The following LRRC49 variants were observed in gnomAD, a reference collection of about 807,000 sequenced individuals.
LRRC49 encodes leucine rich repeat containing 49.
LRRC49 carries 50 observed loss-of-function variants against 83.3 expected under a neutral mutation model. That is an observed-to-expected ratio of 0.60 (90% CI 0.48 to 0.76). LRRC49 has a LOEUF of 0.76. Among genes scored for constraint, LRRC49 ranks in the 30% least tolerant of loss-of-function variants. The pLI is 0.00. For synonymous variants in LRRC49, 286 were observed against 283.3 expected, an observed-to-expected ratio of 1.01 and a Z score of -0.10; for missense variants, 704 against 809.1, an observed-to-expected ratio of 0.87 and a Z score of 1.58.
chr15:71,024,001 G>A (rs994034795), intron 14 of LRRC49, among the ~76,000 whole-genome samples: 3 of 152,192 alleles, frequency 2.0e-5, no homozygotes, highest in African/African-American at 7.2e-5. Flanking sequence ...AGCTCCCAGA[G>A]ACAGGAATGG....
At chr15:70,854,138 C>G in intron 1 of LRRC49, 3 of 1,199,862 alleles carry the variant, frequency 2.5e-6, no homozygotes, top group Middle Eastern at 3.2e-4. Context: ...CAAGGCCCAG[C>G]CAGCCGGTCG....
chr15:71,016,136 A>T (rs1248685459), intron 14 of LRRC49, among the ~76,000 whole-genome samples: 7 of 152,198 alleles, frequency 4.6e-5, no homozygotes, highest in Non-Finnish European at 8.8e-5. Context: ...AGACACTAGG[A>T]TTCCAAAGTA....
At chr15:71,038,898 A>T (rs1224976068) in intron 15 of LRRC49, among the ~76,000 whole-genome samples, 1 of 152,166 alleles carries the variant, frequency 6.6e-6, no homozygotes, top group African/African-American at 2.4e-5. Flanking sequence ...CATACACAAC[A>T]CACTGTGTAA....
At chr15:71,045,963 C>T (rs2039842629) in intron 15 of LRRC49, among the ~76,000 whole-genome samples, 1 of 152,162 alleles carries the variant, frequency 6.6e-6, no homozygotes, top group Admixed American at 6.5e-5. Flanking sequence ...TCTGTTTCTG[C>T]ATTAATTTGC....
intron 2 of LRRC49, among the ~76,000 whole-genome samples, chr15:70,880,095 G>C (rs2033232144): frequency 6.6e-6 from 1 of 152,070 alleles, no homozygotes; most frequent in Non-Finnish European, 1.5e-5. Context: ...AGACACACCA[G>C]AGAAACTGCT....
At chr15:70,864,690 G>A (rs2032873147) in intron 1 of LRRC49, among the ~76,000 whole-genome samples, 1 of 152,144 alleles carries the variant, frequency 6.6e-6, no homozygotes, top group Admixed American at 6.5e-5. Context: ...TCACTCAGGG[G>A]AACTTTTCTG....
rs2037258639 is a variant in LRRC49, at chr15:70,977,758, G to A, written c.922-2343G>A. On this transcript the variant is annotated intron_variant, in intron 9 of 15. Coordinates refer to ENST00000260382, the MANE Select transcript of LRRC49 (RefSeq NM_017691.5). ...TTCCTTTAAAACAACTAAATCATAT[G>A]GCAGATCACTTCTGAGTTCTAAACT... 3.3e-5 allele frequency among the ~76,000 whole-genome samples: 5 copies of A among 151,766 alleles called. No individual in the cohort carries two copies. In the South Asian group the frequency reaches 1.0e-3, roughly 31 times the overall value.
intron 15 of LRRC49, among the ~76,000 whole-genome samples, chr15:71,047,093 TTATAG>T (rs1442642125): frequency 6.6e-6 from 1 of 152,216 alleles, no homozygotes; most frequent in Non-Finnish European, 1.5e-5. Flanking sequence ...TACTGTGGCT[TTATAG>T]TATAGTTTGA....
chr15:70,913,196 A>G lies in LRRC49; in HGVS notation c.567+1598A>G, dbSNP rs114117474. Among the ~76,000 whole-genome samples the G allele has an allele frequency of 1.8e-3, 278 of 152,366 alleles. 2 individuals carry two copies. Among genetic ancestry groups the G allele is most frequent in the African/African-American group, 6.6e-3 (274 of 41,588 alleles). ...GGGAATCCCTGCCTGTTGATGAACA[A>G]GATCTTTCACAGCTGCTTACAGTTG... On this transcript the variant is annotated intron_variant, in intron 6 of 15. Coordinates refer to ENST00000260382, the MANE Select transcript of LRRC49 (RefSeq NM_017691.5).
upstream of LRRC49, among the ~76,000 whole-genome samples, chr15:70,890,979 A>C (rs1002078829): frequency 3.9e-5 from 6 of 152,194 alleles, no homozygotes; most frequent in Admixed American, 2.6e-4. Context: ...ATGCCATTAA[A>C]GGGTCTTAAA....
chr15:70,952,345 C>A (rs1000034631), intron 8 of LRRC49, among the ~76,000 whole-genome samples: 1 of 151,796 alleles, frequency 6.6e-6, no homozygotes, highest in African/African-American at 2.4e-5. Flanking sequence ...GGCACTAGCT[C>A]TTCTTTGTAT....
chr15:70,973,258 A>G (rs1015349662), intron 9 of LRRC49, among the ~76,000 whole-genome samples: 1 of 151,888 alleles, frequency 6.6e-6, no homozygotes, highest in Non-Finnish European at 1.5e-5. Flanking sequence ...GGTCTGCTGG[A>G]GTTTGCTGGG....
chr15:71,023,813 G>A (rs2141280117), intron 14 of LRRC49, among the ~76,000 whole-genome samples: 1 of 152,312 alleles, frequency 6.6e-6, no homozygotes, highest in East Asian at 1.9e-4. Context: ...TAAGACTACT[G>A]AGTTCCTCGG....
chr15:70,895,803 G>GACAAA, intron 2 of LRRC49, 46 bp from the exon 3 acceptor site: 1 of 1,201,380 alleles, frequency 8.3e-7, no homozygotes, highest in Non-Finnish European at 1.2e-6. Flanking sequence ...ACTGCTTGGT[G>GACAAA]TTAAATTTGT....
At chr15:71,009,738 C>A (rs2038586062) in intron 12 of LRRC49, 69 bp from the exon 13 acceptor site, 1 of 1,065,970 alleles carries the variant, frequency 9.4e-7, no homozygotes, top group Non-Finnish European at 1.4e-6. Context: ...ATTAGTGAAG[C>A]TTTAATGTTA....
intron 14 of LRRC49, among the ~76,000 whole-genome samples, chr15:71,032,028 C>T (rs753715660): frequency 3.3e-5 from 5 of 152,182 alleles, no homozygotes; most frequent in East Asian, 1.9e-4. Flanking sequence ...GGGTTCCAGG[C>T]GCCACTGGGG....
chr15:70,989,648 G>A (rs562020187), intron 11 of LRRC49, among the ~76,000 whole-genome samples: 66 of 152,214 alleles, frequency 4.3e-4, no homozygotes, highest in Admixed American at 1.6e-3. Flanking sequence ...GTCATTCTCC[G>A]TCCAGCTTTG....
chr15:70,993,188 G>A (rs1486898685), intron 11 of LRRC49, among the ~76,000 whole-genome samples: 4 of 152,350 alleles, frequency 2.6e-5, no homozygotes, highest in South Asian at 2.1e-4. Context: ...AGCCATGTGC[G>A]GGATATAATC....
chr15:70,893,121 G>T, intron 1 of LRRC49, 179 bp downstream of exon 1: 3 of 678,576 alleles, frequency 4.4e-6, no homozygotes, highest in Non-Finnish European at 7.8e-6. Context: ...ATTGTATGAT[G>T]GGTACTCAAA....
Sources: gnomAD v4.1 joint callset for allele counts (sites outside exome capture counted in the v4.1 genomes callset) on GRCh38, gnomAD v4.1.1 for gene constraint, MANE v1.5 for transcripts, NCBI Gene and HGNC (gene_info 2026-07-23, HGNC 2026-07-21) for gene names.